Variants in AGA observed in about 807,000 individuals in gnomAD.
AGA encodes N(4)-(beta-N-acetylglucosaminyl)-L-asparaginase.
A neutral mutation model predicts 40.1 loss-of-function variants in AGA; 31 were observed. That is an observed-to-expected ratio of 0.77 (90% CI 0.58 to 1.04). The LOEUF (loss-of-function observed/expected upper bound fraction) is 1.04. Among genes scored for constraint, AGA ranks in the 50% least tolerant of loss-of-function variants. The pLI is 0.00. For missense variants in AGA, 445 were observed against 435.4 expected (o/e 1.02, Z -0.20); for synonymous variants, 148 against 144.0 (o/e 1.03, Z -0.20).
At chr4:177,439,003 T>A (rs1283587471) in intron 3 of AGA, 146 bp from the exon 4 acceptor site, 4 of 703,926 alleles carry the variant, frequency 5.7e-6, no homozygotes, top group Middle Eastern at 3.7e-4. Flanking sequence ...TGAACAGTTT[T>A]AAGAGACTCA....
Position 177,439,702 on chromosome 4 carries a change from G to C in AGA, c.282-14C>G. On this transcript the variant is annotated splice_polypyrimidine_tract_variant and intron_variant, in intron 2 of 8. Transcript: ENST00000264595. The stretch of plus-strand genomic sequence containing the variant: ...TCCATAGTAGTGCTGCAAGAAAATA[G>C]AATGCAGTTAGGAATTAAGGAGTTT... 6.4e-7 allele frequency: 1 copy of C among 1,560,588 alleles called. No homozygotes were observed. The highest frequency in any genetic ancestry group is 8.8e-7 in the Non-Finnish European group (1 of 1,132,452).
At position 177,438,824 on chromosome 4, in the gene AGA, T is replaced by C. The variant is rs144349742; in HGVS notation, c.428A>G (p.Asn143Ser). 141 of 1,609,290 alleles carry C rather than the reference T, an allele frequency of 8.8e-5. 1 individual carries two copies. The East Asian group carries it at 2.6e-3, about 29-fold the overall frequency. Reference sequence around the variant, plus strand: ...AGAAGCAGTGGTAGATAAGTCTTCATTGATAAACCCCATACTTTGAGCAAA... The same window carrying C: ...AGAAGCAGTGGTAGATAAGTCTTCACTGATAAACCCCATACTTTGAGCAAA... ...TTFAQSMGFI[N>S]EDLSTTASQA... Residue 143 changes from asparagine (N) to serine (S), a missense_variant, in exon 4 of 9, where the codon AAT (asparagine) becomes AGT (serine). Physicochemically the swap from Asn to Ser is conservative, Grantham distance 46. Coordinates refer to ENST00000264595, the MANE Select transcript of AGA (RefSeq NM_000027.4).
intron 3 of AGA, among the ~76,000 whole-genome samples, 169 bp downstream of exon 3, chr4:177,439,407 A>G (rs1736921575): frequency 6.6e-6 from 1 of 152,164 alleles, no homozygotes; most frequent in African/African-American, 2.4e-5. Flanking sequence ...TTCTTCTTAG[A>G]GATGAAGAAG....
chr4:177,436,094 C>G (rs761065308), intron 6 of AGA, among the ~76,000 whole-genome samples, 182 bp downstream of exon 6: 2 of 152,188 alleles, frequency 1.3e-5, no homozygotes, highest in Non-Finnish European at 2.9e-5. Flanking sequence ...CCCCTAAACC[C>G]TATAGCACTG....
At chr4:177,437,362 T>G in intron 5 of AGA, 43 bp downstream of exon 5, 1 of 1,331,696 alleles carries the variant, frequency 7.5e-7, no homozygotes, top group Non-Finnish European at 1.1e-6. Flanking sequence ...GGAAGATAAT[T>G]AACTAAACTT....
intron 4 of AGA, 44 bp from the exon 5 acceptor site, chr4:177,437,563 T>C: frequency 1.4e-6 from 2 of 1,407,288 alleles, no homozygotes; most frequent in African/African-American, 1.4e-5. Context: ...AGGGTATTTT[T>C]AGAAATTGCC....
In AGA at chr4:177,431,548, T is replaced by C. The variant is rs768862981; in HGVS notation, c.*160A>G. The C allele has an allele frequency of 7.5e-5, 52 of 693,192 alleles. No homozygotes were observed. The East Asian group carries it at 1.4e-3, about 18-fold the overall frequency. 42.9% of individuals were successfully genotyped at this position (693,192 alleles called of 1,614,324 possible). A position where few individuals can be genotyped will look rare whatever the true frequency, so the allele number is the denominator to read the frequency against. On this transcript the variant is annotated 3_prime_UTR_variant, in exon 9 of 9. Transcript: ENST00000264595. ...GTTAAATAAAAATAGATAATACAATTTCAGATATAGAAAGTGCCAATTCAA... is the reference window on the plus strand; with the variant it reads ...GTTAAATAAAAATAGATAATACAATCTCAGATATAGAAAGTGCCAATTCAA...
At position 177,442,247 on chromosome 4, in the gene AGA, AC is replaced by A. The variant is rs1560952233; in HGVS notation, c.127+1del. The A allele has an allele frequency of 5.0e-6, 8 of 1,613,672 alleles. No homozygotes were observed. The highest frequency in any genetic ancestry group is 6.8e-6 in the Non-Finnish European group (8 of 1,179,848). Reference sequence around the variant, plus strand: ...CCGCCCGCCCAGGCCGCCAACCCGCACCTGCTTCGGTTGCATTCTTAAAGGG... The same window carrying A: ...CCGCCCGCCCAGGCCGCCAACCCGCACTGCTTCGGTTGCATTCTTAAAGGG... On this transcript the variant is annotated splice_donor_variant, in intron 1 of 8. Transcript: ENST00000264595. LOFTEE classifies it high-confidence loss of function.
In AGA at chr4:177,430,883, CAG is replaced by C. The variant is rs146345347; in HGVS notation, c.*823_*824del. On this transcript the variant is annotated 3_prime_UTR_variant, in exon 9 of 9. Transcript: ENST00000264595. ...GCACAACTTCTGTAGAGTTGTCATA[CAG>C]AGAGTTAATCAGAAGTTAGGGAAAC... 1.4e-4 allele frequency: 63 copies of C among 454,040 alleles called. 1 individual carries two copies. The highest frequency in any genetic ancestry group is 7.6e-4 in the South Asian group (49 of 64,478). 28.1% of individuals were successfully genotyped at this position (454,040 alleles called of 1,614,324 possible).
At chr4:177,438,127 G>A (rs1367922561) in intron 4 of AGA, among the ~76,000 whole-genome samples, 1 of 152,144 alleles carries the variant, frequency 6.6e-6, no homozygotes, top group Non-Finnish European at 1.5e-5. Flanking sequence ...TGCGCTAGGT[G>A]CCTCCCCTAA....
chr4:177,439,977 C>A, intron 2 of AGA: 1 of 582,352 alleles, frequency 1.7e-6, no homozygotes, highest in East Asian at 3.0e-5. Flanking sequence ...TCAGGTCAGG[C>A]AAACCACAGC....
At chr4:177,440,124 G>T in intron 2 of AGA, 149 bp downstream of exon 2, 1 of 925,690 alleles carries the variant, frequency 1.1e-6, no homozygotes, top group Admixed American at 2.0e-5. Context: ...TTTCAGTTGA[G>T]AGGGAAACTG....
At position 177,440,157 on chromosome 4, in the gene AGA, T is replaced by C. The variant is rs533715399; in HGVS notation, c.281+116A>G. The C allele has an allele frequency of 6.4e-6, 8 of 1,259,394 alleles. No homozygotes were observed. The East Asian group carries it at 1.6e-4, about 25-fold the overall frequency. 78.0% of individuals were successfully genotyped at this position (1,259,394 alleles called of 1,614,324 possible). ...CTGTGTTTAGAAAGGTCAAGTATAA[T>C]AAGCTAGGGGTTTTGATCTGTGTCA... On this transcript the variant is annotated intron_variant, in intron 2 of 8. Coordinates refer to ENST00000264595, the MANE Select transcript of AGA (RefSeq NM_000027.4).
chr4:177,431,383 G>A lies in AGA; in HGVS notation c.*325C>T, dbSNP rs1736627658. On this transcript the variant is annotated 3_prime_UTR_variant, in exon 9 of 9. Transcript: ENST00000264595. ...CATCCAAATATGATGATTCCTTTTG[G>A]GTTTAATATATCACTGTGGAAATAA... The A allele has an allele frequency of 2.3e-6, 1 of 437,360 alleles. No homozygotes were observed. The highest frequency in any genetic ancestry group is 4.4e-6 in the Non-Finnish European group (1 of 228,170). 27.1% of individuals were successfully genotyped at this position (437,360 alleles called of 1,614,324 possible).
chr4:177,434,752 A>G (rs1736753293), intron 6 of AGA, among the ~76,000 whole-genome samples: 3 of 152,168 alleles, frequency 2.0e-5, no homozygotes, highest in Admixed American at 1.3e-4. Context: ...AATGGTGGTT[A>G]CTGGAGGCTG....
Position 177,441,633 on chromosome 4 carries a change from T to A in AGA, c.127+616A>T, listed in dbSNP as rs541329172. On this transcript the variant is annotated intron_variant, in intron 1 of 8. Transcript: ENST00000264595. ...TGCAAATCGAAATCACCTAGGGAGC[T>A]TTTTAAAGAAAAACAGTGGCCCTGA... is the stretch of plus-strand genomic sequence containing the variant. Among the ~76,000 whole-genome samples the A allele has an allele frequency of 3.0e-3, 464 of 152,186 alleles. 2 individuals carry two copies. Among genetic ancestry groups the A allele is most frequent in the African/African-American group, 0.011 (437 of 41,498 alleles).
Position 177,439,593 on chromosome 4 carries a change from AGT to A in AGA, c.375_376del (p.Leu126PhefsTer18), listed in dbSNP as rs386833425. 20 of 1,613,098 alleles carry A rather than the reference AGT, an allele frequency of 1.2e-5. No homozygotes were observed. Among genetic ancestry groups the A allele is most frequent in the East Asian group, 2.2e-5 (1 of 44,872 alleles). On this transcript the variant is annotated frameshift_variant, in exon 3 of 9. Coordinates refer to ENST00000264595, the MANE Select transcript of AGA (RefSeq NM_000027.4). LOFTEE classifies it high-confidence loss of function. ...AAAAATACCTGACTCTCCTACTAAA[AGT>A]GTGTGTGTTGTATGTTCCAGTACTT...
In AGA at chr4:177,442,415, C is replaced by T. The variant is rs1466213706; in HGVS notation, c.-40G>A. 1.2e-6 allele frequency: 2 copies of T among 1,613,336 alleles called. No homozygotes were observed. Among genetic ancestry groups the T allele is most frequent in the African/African-American group, 1.3e-5 (1 of 74,868 alleles). Reference sequence around the variant, plus strand: ...GAGACCAGCGCGAGAAAAGTCCCGGCAGCCAGCGATCGCCGAACAATTAAT... The same window carrying T: ...GAGACCAGCGCGAGAAAAGTCCCGGTAGCCAGCGATCGCCGAACAATTAAT... On this transcript the variant is annotated 5_prime_UTR_variant, in exon 1 of 9. Transcript: ENST00000264595.
At position 177,439,594 on chromosome 4, in the gene AGA, G is replaced by C. The variant is rs200420067; in HGVS notation, c.376C>G (p.Leu126Val). 3.1e-4 allele frequency: 500 copies of C among 1,612,354 alleles called. No individual in the cohort carries two copies. The highest frequency in any genetic ancestry group is 1.7e-3 in the Admixed American group (102 of 60,000). Residue 126 changes from leucine (L) to valine (V), a missense_variant, in exon 3 of 9, where the codon CTT becomes GTT. Leu to Val is a conservative substitution (Grantham distance 32). Coordinates refer to ENST00000264595, the MANE Select transcript of AGA (RefSeq NM_000027.4). ...AAAATACCTGACTCTCCTACTAAAA[G>C]TGTGTGTGTTGTATGTTCCAGTACT... The part of the protein sequence containing the change: ...RKVLEHTTHT[L>V]LVGESATTFA...
Sources: gnomAD v4.1 joint callset for allele counts (sites outside exome capture counted in the v4.1 genomes callset) on GRCh38, gnomAD v4.1.1 for gene constraint, MANE v1.5 for transcripts, NCBI Gene and HGNC (gene_info 2026-07-23, HGNC 2026-07-21) for gene names.